Variants in HS6ST3 observed in about 807,000 individuals in gnomAD.
HS6ST3 encodes the protein heparan-sulfate 6-O-sulfotransferase 3.
A neutral mutation model predicts 36.7 loss-of-function variants in HS6ST3; 12 were observed. The observed-to-expected ratio is 0.33, with a 90% confidence interval of 0.21 to 0.53. HS6ST3 has a LOEUF of 0.53. HS6ST3 is among the 20% of genes least tolerant of loss of function. HS6ST3 has a pLI of 0.95. For synonymous variants in HS6ST3, 240 were observed against 257.5 expected, an observed-to-expected ratio of 0.93 and a Z score of 0.65; for missense variants, 584 against 640.9, an observed-to-expected ratio of 0.91 and a Z score of 0.96.
intron 1 of HS6ST3, among the ~76,000 whole-genome samples, chr13:96,751,679 A>T (rs1467654813): frequency 6.6e-6 from 1 of 152,126 alleles, no homozygotes; most frequent in Non-Finnish European, 1.5e-5. Context: ...GTAACTAATT[A>T]TAGTTAATGC....
chr13:96,816,530 C>A (rs1016510882), intron 1 of HS6ST3, among the ~76,000 whole-genome samples: 5 of 152,178 alleles, frequency 3.3e-5, no homozygotes, highest in Admixed American at 1.3e-4. Flanking sequence ...AACAGTGATT[C>A]ATAATTTCAA....
intron 1 of HS6ST3, among the ~76,000 whole-genome samples, chr13:96,760,641 A>G (rs1351395754): frequency 6.6e-6 from 1 of 152,224 alleles, no homozygotes; most frequent in Admixed American, 6.5e-5. Context: ...GTGAAAATAG[A>G]TAATATAATC....
chr13:96,122,414 T>C (rs2053930182), intron 1 of HS6ST3, among the ~76,000 whole-genome samples: 1 of 152,144 alleles, frequency 6.6e-6, no homozygotes, highest in Admixed American at 6.5e-5. Context: ...AATCTCATGA[T>C]TATACTTTTG....
chr13:96,106,131 C>G (rs1321932203), intron 1 of HS6ST3, among the ~76,000 whole-genome samples: 2 of 152,134 alleles, frequency 1.3e-5, no homozygotes, highest in African/African-American at 4.8e-5. Flanking sequence ...ACTTAAAACT[C>G]TTAAGTAGTA....
intron 1 of HS6ST3, among the ~76,000 whole-genome samples, chr13:96,603,007 C>A (rs1594816314): frequency 6.6e-6 from 1 of 152,146 alleles, no homozygotes; most frequent in Admixed American, 6.5e-5. Context: ...TGCTGTATCA[C>A]CTGGCTTTCT....
At chr13:96,286,252 G>T (rs976222243) in intron 1 of HS6ST3, among the ~76,000 whole-genome samples, 2 of 152,058 alleles carry the variant, frequency 1.3e-5, no homozygotes, top group Non-Finnish European at 2.9e-5. Flanking sequence ...CTTTATTTTA[G>T]CTTCTCCTTC....
At chr13:96,445,829 C>T (rs1301479548) in intron 1 of HS6ST3, among the ~76,000 whole-genome samples, 1 of 151,918 alleles carries the variant, frequency 6.6e-6, no homozygotes, top group Non-Finnish European at 1.5e-5. Flanking sequence ...GATCATACCA[C>T]TGCACTCCAG....
chr13:96,284,740 A>T (rs2054792127), intron 1 of HS6ST3, among the ~76,000 whole-genome samples: 2 of 142,024 alleles, frequency 1.4e-5, no homozygotes, highest in South Asian at 4.8e-4. Flanking sequence ...TGTAAAGAGG[A>T]TACTGGTCTG....
chr13:96,438,486 T>C (rs1469659327), intron 1 of HS6ST3, among the ~76,000 whole-genome samples: 2 of 152,182 alleles, frequency 1.3e-5, no homozygotes, highest in Non-Finnish European at 2.9e-5. Flanking sequence ...ATTTCTAGTC[T>C]GGTGTTCTGT....
intron 1 of HS6ST3, among the ~76,000 whole-genome samples, chr13:96,508,005 T>A (rs2056033478): frequency 6.6e-6 from 1 of 152,098 alleles, no homozygotes; most frequent in African/African-American, 2.4e-5. Flanking sequence ...AGAGTTGAAA[T>A]TACAATGCTT....
At chr13:96,575,521 T>C (rs1163709796) in intron 1 of HS6ST3, among the ~76,000 whole-genome samples, 2 of 152,254 alleles carry the variant, frequency 1.3e-5, no homozygotes, top group Non-Finnish European at 2.9e-5. Flanking sequence ...AGGGGAGTCC[T>C]TTTTTCTAGT....
chr13:96,225,734 G>A (rs2054477331), intron 1 of HS6ST3, among the ~76,000 whole-genome samples: 1 of 152,092 alleles, frequency 6.6e-6, no homozygotes, highest in Non-Finnish European at 1.5e-5. Flanking sequence ...TATTTACCCA[G>A]ATTTTTTGGT....
intron 1 of HS6ST3, among the ~76,000 whole-genome samples, chr13:96,499,926 T>C (rs1252092269): frequency 6.6e-6 from 1 of 152,190 alleles, no homozygotes; most frequent in Non-Finnish European, 1.5e-5. Context: ...AAATTACAGC[T>C]TTATTCAGAT....
intron 1 of HS6ST3, among the ~76,000 whole-genome samples, chr13:96,773,136 G>A (rs1411506662): frequency 6.6e-6 from 1 of 152,228 alleles, no homozygotes; most frequent in East Asian, 1.9e-4. Flanking sequence ...TTCAGGCCCA[G>A]AAACTATGCT....
chr13:96,210,198 A>G (rs1032624934), intron 1 of HS6ST3, among the ~76,000 whole-genome samples: 2 of 152,240 alleles, frequency 1.3e-5, no homozygotes, highest in Non-Finnish European at 2.9e-5. Flanking sequence ...AAAAGCAGGA[A>G]GTATTTTGTA....
At chr13:96,804,891 TA>T (rs1405016043) in intron 1 of HS6ST3, among the ~76,000 whole-genome samples, 3 of 152,222 alleles carry the variant, frequency 2.0e-5, no homozygotes, top group African/African-American at 7.2e-5. Context: ...CAAATCTCTG[TA>T]ATCCATCTTT....
At chr13:96,555,148 G>A (rs1211371176) in intron 1 of HS6ST3, among the ~76,000 whole-genome samples, 1 of 152,032 alleles carries the variant, frequency 6.6e-6, no homozygotes, top group Non-Finnish European at 1.5e-5. Flanking sequence ...GTGGGATGCT[G>A]TATGCTTGAA....
At chr13:96,730,067 T>C (rs1178165527) in intron 1 of HS6ST3, among the ~76,000 whole-genome samples, 1 of 152,208 alleles carries the variant, frequency 6.6e-6, no homozygotes, top group African/African-American at 2.4e-5. Flanking sequence ...TAACCTTCAT[T>C]TCTTGCTATT....
chr13:96,740,057 C>G (rs1271242051), intron 1 of HS6ST3, among the ~76,000 whole-genome samples: 1 of 152,140 alleles, frequency 6.6e-6, no homozygotes, highest in Non-Finnish European at 1.5e-5. Flanking sequence ...TTCAGCCTCT[C>G]AAGACTCCCT....
Sources: allele counts gnomAD v4.1 joint callset (sites outside exome capture counted in the v4.1 genomes callset), GRCh38; gene constraint gnomAD v4.1.1; transcripts MANE v1.5; gene names NCBI Gene and HGNC (gene_info 2026-07-23, HGNC 2026-07-21).